Variants in UBE3C observed in about 807,000 individuals in gnomAD.
UBE3C encodes the protein ubiquitin protein ligase E3C, also known as ubiquitin-protein ligase E3C.
UBE3C carries 42 observed loss-of-function variants against 129.4 expected under a neutral mutation model. The ratio of observed to expected loss-of-function variants is 0.32; its 90% CI spans 0.25 to 0.42. UBE3C has a LOEUF of 0.42. Among genes scored for constraint, UBE3C ranks in the 10% least tolerant of loss-of-function variants. The probability of loss-of-function intolerance (pLI) is 1.00; values close to 1 mark genes in which losing one functional copy is unlikely to be tolerated. For missense variants in UBE3C, 1,049 were observed against 1,319.1 expected (o/e 0.80, Z 3.17); for synonymous variants, 510 against 492.4 (o/e 1.04, Z -0.47).
chr7:157,184,825 G>T (rs1808764178), intron 9 of UBE3C, among the ~76,000 whole-genome samples: 1 of 152,130 alleles, frequency 6.6e-6, no homozygotes, highest in Admixed American at 6.5e-5. Context: ...GAAAAGGATC[G>T]ATAAGTCAGC....
intron 18 of UBE3C, among the ~76,000 whole-genome samples, chr7:157,236,488 A>G (rs1253978609): frequency 2.0e-5 from 3 of 152,170 alleles, no homozygotes; most frequent in East Asian, 1.9e-4. Flanking sequence ...ATCGCGGTAG[A>G]ATTCAGTGTG....
At chr7:157,267,551 T>TA (rs1449937756) in intron 22 of UBE3C, 34 bp from the exon 23 acceptor site, 1 of 1,610,516 alleles carries the variant, frequency 6.2e-7, no homozygotes. Context: ...CCATGCTTGT[T>TA]ACAGTGACAT....
At chr7:157,198,476 C>T (rs909008684) in intron 10 of UBE3C, 2 of 452,850 alleles carry the variant, frequency 4.4e-6, no homozygotes, top group Non-Finnish European at 8.0e-6. Context: ...ATCTCCTCTC[C>T]TGCTCACCGA....
chr7:157,153,593 C>A (rs1036395910), intron 1 of UBE3C, among the ~76,000 whole-genome samples: 1 of 152,138 alleles, frequency 6.6e-6, no homozygotes, highest in Non-Finnish European at 1.5e-5. Flanking sequence ...GTGAGCCACA[C>A]GCCCAGCCAG....
intron 22 of UBE3C, among the ~76,000 whole-genome samples, chr7:157,263,877 TC>T (rs1256481487): frequency 6.6e-6 from 1 of 151,974 alleles, no homozygotes; most frequent in Non-Finnish European, 1.5e-5. Context: ...TATGTTTCCT[TC>T]CTTTAATTAG....
At chr7:157,173,649 G>A (rs1008473014) in intron 4 of UBE3C, among the ~76,000 whole-genome samples, 2 of 152,064 alleles carry the variant, frequency 1.3e-5, no homozygotes, top group African/African-American at 4.8e-5. Context: ...TCACTTTTTA[G>A]TTGCTTAATT....
chr7:157,157,991 G>T (rs191610927), intron 1 of UBE3C, among the ~76,000 whole-genome samples: 4,386 of 149,138 alleles, frequency 0.029, 115 homozygotes, highest in African/African-American at 0.067. Flanking sequence ...TATATATAGA[G>T]AGAGAGAGAG....
intron 1 of UBE3C, among the ~76,000 whole-genome samples, chr7:157,158,057 T>C (rs1385619083): frequency 8.3e-4 from 108 of 129,392 alleles, no homozygotes; most frequent in African/African-American, 3.1e-3. Context: ...TTCCTTTTTT[T>C]TTTTTTTTTT....
chr7:157,191,604 G>A (rs1412520016), intron 10 of UBE3C, among the ~76,000 whole-genome samples: 1 of 152,194 alleles, frequency 6.6e-6, no homozygotes, highest in Admixed American at 6.5e-5. Context: ...AGCCCCTCGT[G>A]TGTTTTCTAA....
At chr7:157,201,537 CGTGTCTCG>C (rs1809281910) in intron 10 of UBE3C, among the ~76,000 whole-genome samples, 176 bp from the exon 11 acceptor site, 1 of 150,104 alleles carries the variant, frequency 6.7e-6, no homozygotes, top group Non-Finnish European at 1.5e-5. Context: ...CTTTGGGAGC[CGTGTCTCG>C]GTGTCTCATC....
chr7:157,215,028 C>A, intron 13 of UBE3C, among the ~76,000 whole-genome samples: 1 of 152,164 alleles, frequency 6.6e-6, no homozygotes, highest in East Asian at 1.9e-4. Flanking sequence ...CATTTCCACT[C>A]GTTGAAGAAG....
At chr7:157,228,941 G>A (rs1393880835) in intron 17 of UBE3C, among the ~76,000 whole-genome samples, 1 of 152,170 alleles carries the variant, frequency 6.6e-6, no homozygotes, top group East Asian at 1.9e-4. Flanking sequence ...TTGCATGGAG[G>A]CTCTATCAAA....
intron 13 of UBE3C, among the ~76,000 whole-genome samples, chr7:157,216,556 T>A (rs1795579261): frequency 6.6e-6 from 1 of 152,146 alleles, no homozygotes; most frequent in Non-Finnish European, 1.5e-5. Flanking sequence ...CTTCTTTGTG[T>A]TCATGGGTTC....
intron 6 of UBE3C, among the ~76,000 whole-genome samples, chr7:157,180,119 G>T (rs1339554923): frequency 6.6e-6 from 1 of 152,240 alleles, no homozygotes; most frequent in Non-Finnish European, 1.5e-5. Context: ...AGAAACTGCC[G>T]CTTCTAGCAT....
chr7:157,163,653 T>A (rs1343965530), intron 1 of UBE3C, among the ~76,000 whole-genome samples, 157 bp from the exon 2 acceptor site: 1 of 152,230 alleles, frequency 6.6e-6, no homozygotes, highest in African/African-American at 2.4e-5. Flanking sequence ...CCATTTAACT[T>A]CTTGTGCCTC....
Position 157,254,106 on chromosome 7 carries a change from C to G in UBE3C, c.2847C>G (p.Leu949=), listed in dbSNP as rs764847217. 2.5e-6 allele frequency: 4 copies of G among 1,612,244 alleles called. No individual in the cohort carries two copies. Among genetic ancestry groups the G allele is most frequent in the Admixed American group, 1.7e-5 (1 of 59,662 alleles). ...AGGGCCTTGCCAATGTCGTCAGCCT[C>G]GAGTGGCTCCGAATGTTTGATCAGC... ...FRQGLANVVS[L]EWLRMFDQQE... is the part of the protein sequence containing the mutation. Residue 949 remains leucine, a synonymous_variant, in exon 20 of 23, where the codon CTC becomes CTG. Transcript: ENST00000348165.
intron 13 of UBE3C, among the ~76,000 whole-genome samples, chr7:157,209,981 C>A (rs933700312): frequency 2.0e-5 from 3 of 152,164 alleles, no homozygotes; most frequent in African/African-American, 4.8e-5. Context: ...GAGTTTGAGA[C>A]CAGCCTGGCC....
intron 21 of UBE3C, among the ~76,000 whole-genome samples, chr7:157,254,704 G>A (rs1796703463): frequency 6.6e-6 from 1 of 151,952 alleles, no homozygotes; most frequent in African/African-American, 2.4e-5. Context: ...TGGCCTCAAA[G>A]TAATTTTTAT....
Position 157,184,034 on chromosome 7 carries a change from G to A in UBE3C, c.1143+5G>A. ...GCCGACAAGCCCTCAAGCCCGGTAA[G>A]CCCCGTGCCCTGCATCTGGGGGGCT... On this transcript the variant is annotated splice_donor_5th_base_variant and intron_variant, in intron 9 of 22. Coordinates refer to ENST00000348165, the MANE Select transcript of UBE3C (RefSeq NM_014671.3). 6.2e-7 allele frequency: 1 copy of A among 1,613,122 alleles called. No individual in the cohort carries two copies. Among genetic ancestry groups the A allele is most frequent in the Non-Finnish European group, 8.5e-7 (1 of 1,179,382 alleles).
Sources: allele counts gnomAD v4.1 joint callset (sites outside exome capture counted in the v4.1 genomes callset), GRCh38; gene constraint gnomAD v4.1.1; transcripts MANE v1.5; gene names NCBI Gene and HGNC (gene_info 2026-07-23, HGNC 2026-07-21).